THADA: variants seen among roughly 807,000 people sequenced by gnomAD.
The protein encoded by THADA is tRNA (32-2'-O)-methyltransferase regulator THADA.
Under a neutral mutation model 219.8 loss-of-function variants are expected in THADA, and 213 were observed. That is an observed-to-expected ratio of 0.97 (90% CI 0.87 to 1.09). The LOEUF (loss-of-function observed/expected upper bound fraction) is 1.09, where lower values mean the gene tolerates loss of function less well. Ranked by LOEUF, THADA falls within the 50% of genes least tolerant of loss-of-function variation. The pLI is 0.00. For missense variants in THADA, 2,956 were observed against 2,311.3 expected (o/e 1.28, Z -5.72); for synonymous variants, 1,018 against 828.9 (o/e 1.23, Z -3.92).
intron 29 of THADA, among the ~76,000 whole-genome samples, chr2:43,351,830 G>C (rs915950180): frequency 1.3e-5 from 2 of 152,208 alleles, no homozygotes; most frequent in African/African-American, 4.8e-5. Flanking sequence ...GTATACATTT[G>C]TCTTGGATAA....
intron 17 of THADA, among the ~76,000 whole-genome samples, chr2:43,553,848 T>C (rs1186670877): frequency 6.6e-6 from 1 of 152,256 alleles, no homozygotes; most frequent in Admixed American, 6.5e-5. Context: ...GTGATTTTGA[T>C]TTGCATTTCT....
At chr2:43,353,720 A>G (rs1403292440) in intron 29 of THADA, among the ~76,000 whole-genome samples, 2 of 152,026 alleles carry the variant, frequency 1.3e-5, no homozygotes, top group Non-Finnish European at 2.9e-5. Flanking sequence ...TGGTGGCACA[A>G]TCTTGGCTCA....
chr2:43,271,410 A>G (rs1288446289), intron 36 of THADA, among the ~76,000 whole-genome samples: 1 of 152,198 alleles, frequency 6.6e-6, no homozygotes, highest in Non-Finnish European at 1.5e-5. Flanking sequence ...ATTTCATAAC[A>G]TAAAATCCAA....
intron 13 of THADA, 58 bp from the exon 14 acceptor site, chr2:43,570,568 C>T (rs1699182545): frequency 1.3e-6 from 2 of 1,542,928 alleles, no homozygotes; most frequent in Middle Eastern, 1.8e-4. Flanking sequence ...TAAATGTCAG[C>T]CTGAGAGGCA....
chr2:43,272,497 A>G (rs1434353497), intron 36 of THADA, among the ~76,000 whole-genome samples: 1 of 152,132 alleles, frequency 6.6e-6, no homozygotes, highest in African/African-American at 2.4e-5. Context: ...TGAACAAGTG[A>G]ATGATTGAAT....
In THADA at chr2:43,341,164, T is replaced by A. The variant is rs372554024; in HGVS notation, c.4343+2958A>T. Among the ~76,000 whole-genome samples the A allele has an allele frequency of 1.8e-4, 28 of 152,246 alleles. No homozygotes were observed. In the East Asian group the frequency reaches 3.1e-3, roughly 17 times the overall value. ...TGGGGAGCAAAAGGAAGCCTGGTGTTAGGAACCATTTACAGACCACCCACA... is the reference window on the plus strand; with the variant it reads ...TGGGGAGCAAAAGGAAGCCTGGTGTAAGGAACCATTTACAGACCACCCACA... On this transcript the variant is annotated intron_variant, in intron 30 of 37. Transcript: ENST00000405975.
chr2:43,569,070 C>G (rs1253427034), intron 14 of THADA, among the ~76,000 whole-genome samples: 2 of 152,068 alleles, frequency 1.3e-5, no homozygotes, highest in African/African-American at 2.4e-5. Flanking sequence ...CTCCCAGACT[C>G]CAGCAACCTT....
At chr2:43,539,255 G>T (rs891851599) in intron 21 of THADA, among the ~76,000 whole-genome samples, 1 of 152,200 alleles carries the variant, frequency 6.6e-6, no homozygotes, top group African/African-American at 2.4e-5. Flanking sequence ...ATCTAGCTTT[G>T]CCAGGGCAAC....
intron 30 of THADA, among the ~76,000 whole-genome samples, chr2:43,331,184 G>T (rs1178578375): frequency 1.3e-5 from 2 of 152,146 alleles, no homozygotes; most frequent in Non-Finnish European, 2.9e-5. Flanking sequence ...TGGATTAGAC[G>T]ATCTCTAAAT....
intron 36 of THADA, among the ~76,000 whole-genome samples, chr2:43,242,919 C>T (rs1668764118): frequency 6.6e-6 from 1 of 152,220 alleles, no homozygotes; most frequent in Non-Finnish European, 1.5e-5. Context: ...GCCCAGTGCC[C>T]CAAGATGCTG....
intron 23 of THADA, among the ~76,000 whole-genome samples, 165 bp from the exon 24 acceptor site, chr2:43,505,900 C>T (rs921472828): frequency 4.6e-5 from 7 of 152,192 alleles, no homozygotes; most frequent in African/African-American, 1.7e-4. Context: ...TTTAACCTCA[C>T]AGTTGAACCT....
intron 36 of THADA, among the ~76,000 whole-genome samples, chr2:43,271,282 T>A (rs2104268055): frequency 6.6e-6 from 1 of 152,346 alleles, no homozygotes; most frequent in South Asian, 2.1e-4. Flanking sequence ...TGGCCAGTCT[T>A]AGTAGATGCT....
At chr2:43,470,058 A>G (rs996822442) in intron 26 of THADA, among the ~76,000 whole-genome samples, 1 of 152,010 alleles carries the variant, frequency 6.6e-6, no homozygotes, top group Non-Finnish European at 1.5e-5. Context: ...AAATAACACA[A>G]AAATTAGCCA....
At chr2:43,289,541 A>G (rs2061780843) in intron 34 of THADA, among the ~76,000 whole-genome samples, 1 of 152,196 alleles carries the variant, frequency 6.6e-6, no homozygotes, top group South Asian at 2.1e-4. Flanking sequence ...CACTTTATTC[A>G]TGTAGTGGAC....
At chr2:43,347,920 T>A (rs1315848991) in intron 29 of THADA, among the ~76,000 whole-genome samples, 1 of 152,138 alleles carries the variant, frequency 6.6e-6, no homozygotes, top group African/African-American at 2.4e-5. Flanking sequence ...CAAAGATTTC[T>A]TCAGAGAGTG....
chr2:43,577,244 T>G lies in THADA; in HGVS notation c.817-2A>C. ...TGAACGAAGCAGCACACTGCTAATCTGGAAAAATATAGCAGAGCTAACACA... is the reference window on the plus strand; with the variant it reads ...TGAACGAAGCAGCACACTGCTAATCGGGAAAAATATAGCAGAGCTAACACA... On this transcript the variant is annotated splice_acceptor_variant, in intron 9 of 37. Transcript: ENST00000405975. LOFTEE classifies it high-confidence loss of function. 1 of 1,576,194 alleles carries G rather than the reference T, an allele frequency of 6.3e-7. No homozygotes were observed. Among genetic ancestry groups the G allele is most frequent in the Non-Finnish European group, 8.6e-7 (1 of 1,160,560 alleles).
intron 22 of THADA, among the ~76,000 whole-genome samples, chr2:43,513,426 G>C (rs1337551058): frequency 6.6e-6 from 1 of 152,190 alleles, no homozygotes; most frequent in East Asian, 1.9e-4. Flanking sequence ...AGAGACCCAA[G>C]AGTTACAGAT....
At chr2:43,336,156 A>G (rs991921743) in intron 30 of THADA, among the ~76,000 whole-genome samples, 7 of 151,634 alleles carry the variant, frequency 4.6e-5, no homozygotes, top group African/African-American at 1.7e-4. Flanking sequence ...GTTACTTGGG[A>G]GCTGAGGTGA....
intron 7 of THADA, 146 bp downstream of exon 7, chr2:43,586,255 A>C: frequency 3.0e-6 from 2 of 669,920 alleles, no homozygotes; most frequent in Non-Finnish European, 4.8e-6. Flanking sequence ...ACACAGCAAG[A>C]CCCCATCTCA....
Sources: allele counts gnomAD v4.1 joint callset (sites outside exome capture counted in the v4.1 genomes callset), GRCh38; gene constraint gnomAD v4.1.1; transcripts MANE v1.5; gene names NCBI Gene and HGNC (gene_info 2026-07-23, HGNC 2026-07-21).